Variants in NECAB1 observed in about 807,000 individuals in gnomAD.
NECAB1 encodes the protein N-terminal EF-hand calcium-binding protein 1.
In NECAB1, 29 loss-of-function variants were observed where a neutral mutation model predicts 57.5. The observed-to-expected ratio is 0.50, with a 90% CI of 0.38 to 0.69. The LOEUF is 0.69. NECAB1 is among the 30% of genes least tolerant of loss of function. The pLI is 0.00. For missense variants in NECAB1, 372 were observed against 413.8 expected (o/e 0.90, Z 0.88); for synonymous variants, 142 against 147.7 (o/e 0.96, Z 0.28).
intron 10 of NECAB1, among the ~76,000 whole-genome samples, chr8:90,945,693 T>C (rs1810789862): frequency 6.6e-6 from 1 of 152,156 alleles, no homozygotes; most frequent in Non-Finnish European, 1.5e-5. Context: ...AGTTTCCTCA[T>C]TTAAAATCTT....
At chr8:90,901,554 C>G (rs183250978) in intron 5 of NECAB1, among the ~76,000 whole-genome samples, 10 of 152,166 alleles carry the variant, frequency 6.6e-5, no homozygotes, top group Admixed American at 6.5e-4. Flanking sequence ...CTAGTCTAGC[C>G]GAGGAGAGCT....
intron 5 of NECAB1, among the ~76,000 whole-genome samples, chr8:90,903,393 T>C (rs1809555513): frequency 6.6e-6 from 1 of 152,134 alleles, no homozygotes; most frequent in African/African-American, 2.4e-5. Flanking sequence ...GAAAAAAACA[T>C]GTCACATATC....
chr8:90,902,774 C>T (rs921416038), intron 5 of NECAB1, among the ~76,000 whole-genome samples: 2 of 151,988 alleles, frequency 1.3e-5, no homozygotes, highest in Non-Finnish European at 1.5e-5. Context: ...GGAGGGCAAA[C>T]TTAGTGACCT....
intron 2 of NECAB1, among the ~76,000 whole-genome samples, chr8:90,820,120 C>T (rs1351663177): frequency 4.0e-5 from 6 of 151,888 alleles, no homozygotes; most frequent in Admixed American, 3.9e-4. Context: ...GCTTCTGTTC[C>T]AAATAAGCAG....
Position 90,956,860 on chromosome 8 carries a change from C to T in NECAB1, c.*1348C>T, listed in dbSNP as rs552782633. 7.7e-4 allele frequency: 118 copies of T among 152,308 alleles called. No homozygotes were observed. Among genetic ancestry groups the T allele is most frequent in the African/African-American group, 2.7e-3 (114 of 41,466 alleles). 9.4% of individuals were successfully genotyped at this position (152,308 alleles called of 1,614,324 possible). ...AATACCTTTGTATACTCTCAGTTCT[C>T]ATTCAGTATAAATAAAATTTTAAAA... On this transcript the variant is annotated 3_prime_UTR_variant, in exon 13 of 13. Coordinates refer to ENST00000417640, the MANE Select transcript of NECAB1 (RefSeq NM_022351.5).
At chr8:90,805,048 T>TA (rs1811825417) in intron 2 of NECAB1, among the ~76,000 whole-genome samples, 1 of 152,264 alleles carries the variant, frequency 6.6e-6, no homozygotes, top group Non-Finnish European at 1.5e-5. Flanking sequence ...CTATCTGAGA[T>TA]ACTTTTTAAC....
At chr8:90,819,973 A>G (rs1812118973) in intron 2 of NECAB1, among the ~76,000 whole-genome samples, 1 of 151,914 alleles carries the variant, frequency 6.6e-6, no homozygotes, top group Non-Finnish European at 1.5e-5. Context: ...TTCTGGAGGT[A>G]AAACCCACCA....
In NECAB1 at chr8:90,942,002, T is replaced by C. The variant is rs533907784; in HGVS notation, c.860+1104T>C. 3.9e-5 allele frequency among the ~76,000 whole-genome samples: 6 copies of C among 152,338 alleles called. No homozygotes were observed. In the East Asian group the frequency reaches 1.2e-3, roughly 29 times the overall value. ...GTGTTTGTGTATGTGTGTGTACATG[T>C]GTGCATAAACAGATACTTCATGTCT... On this transcript the variant is annotated intron_variant, in intron 10 of 12. Coordinates refer to ENST00000417640, the MANE Select transcript of NECAB1 (RefSeq NM_022351.5).
intron 3 of NECAB1, among the ~76,000 whole-genome samples, chr8:90,857,909 G>A (rs1812822771): frequency 6.6e-6 from 1 of 151,964 alleles, no homozygotes; most frequent in African/African-American, 2.4e-5. Flanking sequence ...AAAATATTGG[G>A]AATATAAGAT....
chr8:90,816,135 G>T (rs1026804962), intron 2 of NECAB1, among the ~76,000 whole-genome samples: 2 of 151,734 alleles, frequency 1.3e-5, no homozygotes, highest in East Asian at 1.9e-4. Context: ...TCAAATGCTT[G>T]TTTGTCATCT....
At chr8:90,837,736 T>TTC (rs982113577) in intron 3 of NECAB1, among the ~76,000 whole-genome samples, 6 of 151,770 alleles carry the variant, frequency 4.0e-5, no homozygotes, top group South Asian at 2.1e-4. Flanking sequence ...TTCCACTGGC[T>TTC]TCTCTCTCTC....
At chr8:90,830,470 C>A (rs1372667694) in intron 3 of NECAB1, among the ~76,000 whole-genome samples, 1 of 152,078 alleles carries the variant, frequency 6.6e-6, no homozygotes, top group South Asian at 2.1e-4. Context: ...CAGAGTACAT[C>A]AGACTAACAT....
rs1431135069 is a variant in NECAB1, at chr8:90,941,013, CATTAA to C, written c.860+120_860+124del. On this transcript the variant is annotated intron_variant, in intron 10 of 12. Coordinates refer to ENST00000417640, the MANE Select transcript of NECAB1 (RefSeq NM_022351.5). Reference sequence around the variant, plus strand: ...GAAGACAGATATTTGAGAATCCTCACATTAAATTATACAGAGCATTCCACCTGGGT... The same window carrying C: ...GAAGACAGATATTTGAGAATCCTCACATTATACAGAGCATTCCACCTGGGT... The C allele has an allele frequency of 1.2e-5, 9 of 758,690 alleles. No homozygotes were observed. The East Asian group carries it at 2.4e-4, about 20-fold the overall frequency. The allele number at this position is 758,690 out of a possible 1,614,324, so 47.0% of individuals were successfully genotyped here.
rs151311896 is a variant in NECAB1 at position 90,881,481 on chromosome 8, T to C, written c.357+351T>C. Among the ~76,000 whole-genome samples, 120 of 152,314 alleles carry C rather than the reference T, an allele frequency of 7.9e-4. 1 individual carries two copies. Among genetic ancestry groups the C allele is most frequent in the African/African-American group, 2.8e-3 (115 of 41,572 alleles). On this transcript the variant is annotated intron_variant, in intron 5 of 12. Coordinates refer to ENST00000417640, the MANE Select transcript of NECAB1 (RefSeq NM_022351.5). ...GGAGGTGGGGCCTGGTGGGAGATGA[T>C]TGGATCATGGATCACCAATCCCCCA...
intron 5 of NECAB1, among the ~76,000 whole-genome samples, chr8:90,890,010 A>C (rs1258233439): frequency 6.6e-6 from 1 of 152,038 alleles, no homozygotes; most frequent in Non-Finnish European, 1.5e-5. Context: ...GAAAATCTTT[A>C]TCTGTTTTTT....
chr8:90,821,502 T>G (rs1812143745), intron 2 of NECAB1, among the ~76,000 whole-genome samples: 1 of 151,790 alleles, frequency 6.6e-6, no homozygotes, highest in Non-Finnish European at 1.5e-5. Context: ...CTTTTCAGTT[T>G]CCAACCCAAG....
intron 5 of NECAB1, among the ~76,000 whole-genome samples, chr8:90,901,620 A>G (rs1809504858): frequency 6.6e-6 from 1 of 152,154 alleles, no homozygotes; most frequent in African/African-American, 2.4e-5. Flanking sequence ...GAAAATGAGC[A>G]ATTTGTATTC....
chr8:90,810,817 C>G (rs1304850786), intron 2 of NECAB1, among the ~76,000 whole-genome samples: 1 of 152,098 alleles, frequency 6.6e-6, no homozygotes, highest in Non-Finnish European at 1.5e-5. Flanking sequence ...TCAATAAACT[C>G]TAAACTCTTA....
intron 3 of NECAB1, among the ~76,000 whole-genome samples, chr8:90,829,331 C>T (rs535962791): frequency 2.0e-5 from 3 of 152,010 alleles, no homozygotes; most frequent in Non-Finnish European, 2.9e-5. Context: ...TCTTATTCAT[C>T]AGAAAGTTAG....
Sources: gnomAD v4.1 joint callset for allele counts (sites outside exome capture counted in the v4.1 genomes callset) on GRCh38, gnomAD v4.1.1 for gene constraint, MANE v1.5 for transcripts, NCBI Gene and HGNC (gene_info 2026-07-23, HGNC 2026-07-21) for gene names.